CBLN3: variants seen among roughly 807,000 people sequenced by gnomAD.
CBLN3 encodes cerebellin-3.
A neutral mutation model predicts 17.4 loss-of-function variants in CBLN3; 14 were observed. The observed-to-expected ratio is 0.81, with a 90% CI of 0.53 to 1.26. CBLN3 has a LOEUF of 1.26. CBLN3 is among the 50% of genes most tolerant of loss of function. The pLI is 0.00. For synonymous variants in CBLN3, 129 were observed against 117.4 expected (o/e 1.10, Z -0.64); for missense variants, 263 against 268.5 (o/e 0.98, Z 0.14).
chr14:24,429,619 ATTGCTTTGGTGGAAAGTGCTT>A lies in CBLN3; in HGVS notation c.-586_-566del. On this transcript the variant is annotated 5_prime_UTR_variant, in exon 1 of 3. Transcript: ENST00000267406. ...CCTCCCGCCTACCCCCTCCGCCACG[ATTGCTTTGGTGGAAAGTGCTT>A]GGGCCTAGAGCACCAGTGGGCCAGT... 1 of 1,043,054 alleles carries A rather than the reference ATTGCTTTGGTGGAAAGTGCTT, an allele frequency of 9.6e-7. No individual in the cohort carries two copies. 64.6% of individuals were successfully genotyped at this position (1,043,054 alleles called of 1,614,324 possible). A position where few individuals can be genotyped will look rare whatever the true frequency, so the allele number is the denominator to read the frequency against.
Position 24,429,447 on chromosome 14 carries a change from G to A in CBLN3, c.-393C>T, listed in dbSNP as rs1462427585. On this transcript the variant is annotated 5_prime_UTR_variant, in exon 1 of 3. Transcript: ENST00000267406. ...CGGGTGTGACAGAATGTGTGAGTGTGTGCATATGCCAGAGGCAGCCCCTCA... is the reference window on the plus strand; with the variant it reads ...CGGGTGTGACAGAATGTGTGAGTGTATGCATATGCCAGAGGCAGCCCCTCA... 1 of 504,610 alleles carries A rather than the reference G, an allele frequency of 2.0e-6. No homozygotes were observed. Among genetic ancestry groups the A allele is most frequent in the Non-Finnish European group, 3.9e-6 (1 of 259,568 alleles). 31.3% of individuals were successfully genotyped at this position (504,610 alleles called of 1,614,324 possible).
rs758540395 is a variant in CBLN3, at chr14:24,428,267, G to A, written c.420+19C>T. The A allele has an allele frequency of 1.4e-5, 23 of 1,612,552 alleles. No individual in the cohort carries two copies. The Admixed American group carries it at 3.8e-4, about 27-fold the overall frequency. ...CCCCACCCTCCTGAGCCGGGGATGG[G>A]GGCCAGTGCTGAGGTCACCTGGACA... On this transcript the variant is annotated intron_variant, in intron 2 of 2. Transcript: ENST00000267406.
intron 2 of CBLN3, 71 bp from the exon 3 acceptor site, chr14:24,428,057 T>C: frequency 6.7e-7 from 1 of 1,502,132 alleles, no homozygotes; most frequent in Non-Finnish European, 9.0e-7. Flanking sequence ...TCCCAGGAGC[T>C]TCCTCTTGGG....
chr14:24,428,711 T>G (rs1408795106), intron 1 of CBLN3, 44 bp downstream of exon 1: 2 of 1,529,858 alleles, frequency 1.3e-6, no homozygotes, highest in Admixed American at 4.1e-5. Context: ...TCCAGGTCCT[T>G]GCAGGGTCTT....
intron 2 of CBLN3, 109 bp from the exon 3 acceptor site, chr14:24,428,095 G>T: frequency 7.4e-7 from 1 of 1,355,192 alleles, no homozygotes; most frequent in Non-Finnish European, 1.0e-6. Flanking sequence ...GCTCTCCCGG[G>T]AGGGCTGAGG....
Position 24,428,496 on chromosome 14 carries a change from G to A in CBLN3, c.301-91C>T, listed in dbSNP as rs2043047989. On this transcript the variant is annotated intron_variant, in intron 1 of 2. Transcript: ENST00000267406. ...ACTAGGGGCAGGGGCAGTGAGTAAT[G>A]AATAGAAGGAGTGGCAAGTAGGAGT... The A allele has an allele frequency of 2.2e-5, 33 of 1,468,818 alleles. 1 individual carries two copies. In the South Asian group the frequency reaches 3.9e-4, roughly 17 times the overall value. The allele number at this position is 1,468,818 out of a possible 1,614,324, so 91.0% of individuals were successfully genotyped here.
Position 24,427,973 on chromosome 14 carries a change from A to G in CBLN3, c.434T>C (p.Leu145Pro). The part of the protein sequence containing the change: ...NRQTVQVSLM[L>P]NTWPVISAFA... ...GGCTGAGATGACAGGCCACGTGTTC[A>G]GCATCAGGCTCACCTGGGGAGGGGA... Residue 145 changes from leucine (L) to proline (P), a missense_variant, in exon 3 of 3, where the codon CTG becomes CCG. By Grantham distance (98) the Leu-to-Pro change is moderately conservative (BLOSUM62 -3). Coordinates refer to ENST00000267406, the MANE Select transcript of CBLN3 (RefSeq NM_001039771.3). This position sits in a 1 kb window ranked among gnomAD's most constrained non-coding sequence, Gnocchi z 4.4. 6.2e-7 allele frequency: 1 copy of G among 1,613,420 alleles called. No homozygotes were observed.
Position 24,429,200 on chromosome 14 carries a change from C to A in CBLN3, c.-146G>T. 1.2e-6 allele frequency: 1 copy of A among 807,300 alleles called. No individual in the cohort carries two copies. Among genetic ancestry groups the A allele is most frequent in the East Asian group, 2.7e-5 (1 of 37,320 alleles). The allele number at this position is 807,300 out of a possible 1,614,324, so 50.0% of individuals were successfully genotyped here. A position where few individuals can be genotyped will look rare whatever the true frequency, so the allele number is the denominator to read the frequency against. On this transcript the variant is annotated 5_prime_UTR_variant, in exon 1 of 3. Transcript: ENST00000267406. ...CCCCCTCTCCATACCTGTGTCCCAG[C>A]TCTGTCCTGCCTCCCACTCTTACTC...
intron 1 of CBLN3, 141 bp from the exon 2 acceptor site, chr14:24,428,546 G>T (rs1329488398): frequency 2.6e-6 from 3 of 1,156,390 alleles, no homozygotes; most frequent in Non-Finnish European, 3.6e-6. Flanking sequence ...AGATTCAAAA[G>T]AAATGGTGAG....
chr14:24,427,859 A>T lies in CBLN3; in HGVS notation c.548T>A (p.Leu183Gln). 6.2e-7 allele frequency: 1 copy of T among 1,614,134 alleles called. No individual in the cohort carries two copies. Among genetic ancestry groups the T allele is most frequent in the East Asian group, 2.2e-5 (1 of 44,876 alleles). Residue 183 changes from leucine (L) to glutamine (Q), a missense_variant, in exon 3 of 3, where the codon CTG becomes CAG. By Grantham distance (113) the Leu-to-Gln change is moderately radical. Transcript: ENST00000267406. The surrounding 1 kb of genome is among the most constrained non-coding windows in gnomAD (Gnocchi z 4.4). ...LDPGDRVSLRLRRGNLLGGWK... is the reference protein window; with the variant it reads ...LDPGDRVSLRQRRGNLLGGWK... ...ACCACCCAGTAGATTCCCCCGACGC[A>T]GGCGCAGAGACACTCGGTCCCCAGG...
rs773201159 is a variant in CBLN3, at chr14:24,428,407, T to TG, written c.301-3dup. ...GCCACCGCCCTCGTTCACCAGGACC[T>TG]GGGGGAAGCAGAGCCTGCTGAGTGG... On this transcript the variant is annotated splice_polypyrimidine_tract_variant and splice_region_variant and intron_variant, in intron 1 of 2. Coordinates refer to ENST00000267406, the MANE Select transcript of CBLN3 (RefSeq NM_001039771.3). The TG allele has an allele frequency of 6.2e-7, 1 of 1,613,464 alleles. No homozygotes were observed. The highest frequency in any genetic ancestry group is 8.5e-7 in the Non-Finnish European group (1 of 1,179,820).
chr14:24,428,843 C>G lies in CBLN3; in HGVS notation c.212G>C (p.Arg71Pro), dbSNP rs145699313. The G allele has an allele frequency of 1.3e-4, 217 of 1,612,430 alleles. No homozygotes were observed. The highest frequency in any genetic ancestry group is 1.7e-4 in the Non-Finnish European group (199 of 1,179,446). The change falls in exon 1 of 3, where the codon CGA becomes CCA. Residue 71 changes from arginine (R) to proline (P), a missense_variant. Physicochemically the swap from Arg to Pro is moderately radical, Grantham distance 103 (BLOSUM62 -2). Transcript: ENST00000267406. Reference protein sequence around the residue: ...GAALGEAPPGRVAFAAVRSHH... With the variant: ...GAALGEAPPGPVAFAAVRSHH... The stretch of plus-strand genomic sequence containing the variant: ...GCTTCGGACCGCAGCAAATGCCACT[C>G]GCCCAGGGGGTGCCTCTCCCAGGGC...
At chr14:24,428,132 C>T in intron 2 of CBLN3, 146 bp from the exon 3 acceptor site, 3 of 1,314,456 alleles carry the variant, frequency 2.3e-6, no homozygotes, top group Admixed American at 3.9e-5. Flanking sequence ...CTCTGCACAT[C>T]CTCCACACTC....
At position 24,429,142 on chromosome 14, in the gene CBLN3, C is replaced by A. The variant is rs2043059210; in HGVS notation, c.-88G>T. ...TCTCCCTGGATTCTCACCGCCGGCA[C>A]CCTGATCGTCTGCCCTCTCTAGGCT... is the stretch of plus-strand genomic sequence containing the variant. On this transcript the variant is annotated 5_prime_UTR_variant, in exon 1 of 3. Coordinates refer to ENST00000267406, the MANE Select transcript of CBLN3 (RefSeq NM_001039771.3). The A allele has an allele frequency of 1.5e-6, 2 of 1,377,620 alleles. No individual in the cohort carries two copies. The highest frequency in any genetic ancestry group is 2.6e-4 in the Middle Eastern group (1 of 3,778). The allele number at this position is 1,377,620 out of a possible 1,614,324, so 85.3% of individuals were successfully genotyped here.
rs1054240754 is a variant in CBLN3 at position 24,427,213 on chromosome 14, CTCCT to C, written c.*572_*575del. The C allele has an allele frequency of 7.8e-4, 124 of 159,858 alleles. 2 individuals carry two copies. The Middle Eastern group carries it at 9.7e-3, about 13-fold the overall frequency. 9.9% of individuals were successfully genotyped at this position (159,858 alleles called of 1,614,324 possible). Reference sequence around the variant, plus strand: ...CCATGTTCAGTCTAGACAATACACCCTCCTTCCTTCCTCACCAGCCACAGACTCC... The same window carrying C: ...CCATGTTCAGTCTAGACAATACACCCTCCTTCCTCACCAGCCACAGACTCC... On this transcript the variant is annotated 3_prime_UTR_variant, in exon 3 of 3. Transcript: ENST00000267406. The surrounding 1 kb of genome is among the most constrained non-coding windows in gnomAD (Gnocchi z 4.4).
At position 24,429,067 on chromosome 14, in the gene CBLN3, C is replaced by G. The variant is rs1158461695; in HGVS notation, c.-13G>C. ...TGGCTCCCAACATGGCTGAGGGGCT[C>G]TGCAACCCACAAGTGCCCCGGTCTT... is the stretch of plus-strand genomic sequence containing the variant. On this transcript the variant is annotated 5_prime_UTR_variant, in exon 1 of 3. Transcript: ENST00000267406. 1 of 1,480,154 alleles carries G rather than the reference C, an allele frequency of 6.8e-7. No individual in the cohort carries two copies. The highest frequency in any genetic ancestry group is 9.0e-7 in the Non-Finnish European group (1 of 1,111,074). 91.7% of individuals were successfully genotyped at this position (1,480,154 alleles called of 1,614,324 possible).
At chr14:24,428,466 T>G (rs1184882304) in intron 1 of CBLN3, 61 bp from the exon 2 acceptor site, 3 of 1,598,182 alleles carry the variant, frequency 1.9e-6, no homozygotes, top group African/African-American at 2.7e-5. Flanking sequence ...AGGGGTACCA[T>G]GGGGACTAGG....
chr14:24,428,614 G>A, intron 1 of CBLN3, 141 bp downstream of exon 1: 1 of 1,099,306 alleles, frequency 9.1e-7, no homozygotes, highest in Non-Finnish European at 1.3e-6. Flanking sequence ...CGGTGGGGTG[G>A]TGGGGCAATA....
intron 1 of CBLN3, 93 bp downstream of exon 1, chr14:24,428,662 A>C (rs1028077955): frequency 4.3e-6 from 6 of 1,404,760 alleles, no homozygotes; most frequent in Non-Finnish European, 5.8e-6. Flanking sequence ...CTGTTTTCTT[A>C]AAGCCTCAGA....
Sources: gnomAD v4.1 joint callset for allele counts on GRCh38, gnomAD v4.1.1 for gene constraint, Gnocchi (gnomAD v3.1) non-coding constraint, MANE v1.5 for transcripts, NCBI Gene and HGNC (gene_info 2026-07-23, HGNC 2026-07-21) for gene names.